Variants in DTD1 observed in about 807,000 individuals in gnomAD.
DTD1 encodes the protein D-aminoacyl-tRNA deacylase 1, also known as D-tyrosyl-tRNA deacylase 1 homolog.
A neutral mutation model predicts 25.6 loss-of-function variants in DTD1; 13 were observed. The observed-to-expected ratio is 0.51, with a 90% confidence interval of 0.33 to 0.81. The LOEUF (loss-of-function observed/expected upper bound fraction) is 0.81, where lower values mean the gene tolerates loss of function less well. Among genes scored for constraint, DTD1 ranks in the 30% least tolerant of loss-of-function variants. The pLI is 0.02. For missense variants in DTD1, 193 were observed against 266.4 expected, an observed-to-expected ratio of 0.72 and a Z score of 1.92; for synonymous variants, 110 against 103.6, an observed-to-expected ratio of 1.06 and a Z score of -0.37.
At chr20:18,589,092 T>A (rs1281141546) in intron 1 of DTD1, among the ~76,000 whole-genome samples, 1 of 152,190 alleles carries the variant, frequency 6.6e-6, no homozygotes, top group Non-Finnish European at 1.5e-5. Context: ...GGCTCACACC[T>A]GTAATCCCAG....
At chr20:18,748,219 CTT>C (rs2061308379) in intron 5 of DTD1, among the ~76,000 whole-genome samples, 1 of 151,852 alleles carries the variant, frequency 6.6e-6, no homozygotes. Context: ...TCACATGTGC[CTT>C]GGAGGTTTGT....
chr20:18,601,171 G>T (rs1015625224), intron 3 of DTD1, among the ~76,000 whole-genome samples: 1 of 152,090 alleles, frequency 6.6e-6, no homozygotes, highest in Non-Finnish European at 1.5e-5. Flanking sequence ...GACGTTTGCT[G>T]TAGGTTTTTT....
chr20:18,724,834 A>G lies in DTD1; in HGVS notation c.478-19266A>G, dbSNP rs186038934. Among the ~76,000 whole-genome samples the G allele has an allele frequency of 1.2e-3, 190 of 152,360 alleles. 1 individual carries two copies. The highest frequency in any genetic ancestry group is 4.2e-3 in the African/African-American group (173 of 41,586). On this transcript the variant is annotated intron_variant, in intron 4 of 5. Transcript: ENST00000377452. ...CATTTCTGTGTAAGATTTCCAAGAG[A>G]GGAAATCCACAAGCTGTCAGCAACC...
chr20:18,750,217 C>T (rs568984918), intron 5 of DTD1, among the ~76,000 whole-genome samples: 3 of 152,224 alleles, frequency 2.0e-5, no homozygotes, highest in South Asian at 2.1e-4. Flanking sequence ...TTTTTTGTTG[C>T]CCGTGGGTTT....
At chr20:18,611,977 C>T (rs6136433) in intron 3 of DTD1, among the ~76,000 whole-genome samples, 21,671 of 151,520 alleles carry the variant, frequency 0.14, 1,656 homozygotes, top group Admixed American at 0.2. Context: ...GCCTCAGCCT[C>T]CCGAGTAGCT....
intron 4 of DTD1, among the ~76,000 whole-genome samples, chr20:18,673,165 A>G (rs2060957035): frequency 6.6e-6 from 1 of 152,194 alleles, no homozygotes; most frequent in African/African-American, 2.4e-5. Context: ...GTAACTGTTA[A>G]TTGATAGCCT....
At chr20:18,732,280 A>G (rs2061241269) in intron 4 of DTD1, among the ~76,000 whole-genome samples, 1 of 152,240 alleles carries the variant, frequency 6.6e-6, no homozygotes, top group Non-Finnish European at 1.5e-5. Flanking sequence ...GTGTTCTGTT[A>G]CCAATTATGC....
intron 5 of DTD1, among the ~76,000 whole-genome samples, chr20:18,752,904 A>T (rs566167599): frequency 4.6e-5 from 7 of 152,194 alleles, no homozygotes; most frequent in Non-Finnish European, 7.3e-5. Context: ...AGCATGTTAT[A>T]TTACTTTACT....
intron 4 of DTD1, among the ~76,000 whole-genome samples, chr20:18,650,770 T>TA (rs1380353962): frequency 6.6e-6 from 1 of 152,172 alleles, no homozygotes; most frequent in African/African-American, 2.4e-5. Context: ...CATTACAAAC[T>TA]AAAGGCAGAT....
intron 4 of DTD1, among the ~76,000 whole-genome samples, chr20:18,650,561 C>T (rs2060870540): frequency 6.6e-6 from 1 of 152,222 alleles, no homozygotes; most frequent in Non-Finnish European, 1.5e-5. Flanking sequence ...TTCTGATTTC[C>T]TTTGTCAGAC....
chr20:18,761,344 C>A (rs889522683), intron 5 of DTD1, among the ~76,000 whole-genome samples: 2 of 151,942 alleles, frequency 1.3e-5, no homozygotes, highest in Non-Finnish European at 2.9e-5. Context: ...TGGAGCTGTT[C>A]CTATTTGGCC....
chr20:18,596,157 G>A lies in DTD1; in HGVS notation c.286G>A (p.Ala96Thr), dbSNP rs11545148. ...LKGNKPDFHL[A>T]MPTEQAEGFY... ...GGGAAACAAGCCTGATTTCCACCTA[G>A]CAATGCCCACGGAGCAGGCAGAGGG... The change falls in exon 3 of 6, where the codon GCA becomes ACA. Residue 96 changes from alanine (A) to threonine (T), a missense_variant. Transcript: ENST00000377452. 960 of 1,614,168 alleles carry A rather than the reference G, an allele frequency of 5.9e-4. 1 individual carries two copies. Among genetic ancestry groups the A allele is most frequent in the Non-Finnish European group, 7.6e-4 (896 of 1,180,030 alleles).
chr20:18,593,465 T>G (rs1460100199), intron 1 of DTD1, among the ~76,000 whole-genome samples: 1 of 152,186 alleles, frequency 6.6e-6, no homozygotes, highest in African/African-American at 2.4e-5. Flanking sequence ...CAAGGTAACA[T>G]AGATGAAATA....
chr20:18,597,908 T>C (rs574923209), intron 3 of DTD1, among the ~76,000 whole-genome samples: 1 of 152,340 alleles, frequency 6.6e-6, no homozygotes, highest in South Asian at 2.1e-4. Context: ...TTAAAATGTT[T>C]TTATTTTGCC....
At chr20:18,758,869 G>T (rs983234704) in intron 5 of DTD1, among the ~76,000 whole-genome samples, 12 of 152,108 alleles carry the variant, frequency 7.9e-5, no homozygotes, top group African/African-American at 2.4e-4. Context: ...TGACAGTGGG[G>T]TGTTAAAGTC....
intron 4 of DTD1, chr20:18,632,338 A>G: frequency 2.0e-6 from 2 of 985,438 alleles, no homozygotes; most frequent in Non-Finnish European, 2.4e-6. Context: ...CCTGGCCCCC[A>G]GAAGCCTCAG....
intron 4 of DTD1, among the ~76,000 whole-genome samples, chr20:18,669,247 G>A (rs560798115): frequency 2.0e-5 from 3 of 152,324 alleles, no homozygotes; most frequent in South Asian, 4.1e-4. Context: ...TGTGGAAGCC[G>A]TAGCTCTGGA....
At chr20:18,759,382 C>G (rs548604938) in intron 5 of DTD1, among the ~76,000 whole-genome samples, 10 of 152,170 alleles carry the variant, frequency 6.6e-5, no homozygotes, top group Non-Finnish European at 1.3e-4. Flanking sequence ...TACCTTTGTT[C>G]CTTTCCATGT....
chr20:18,619,409 C>T (rs191170562), intron 3 of DTD1, among the ~76,000 whole-genome samples: 2 of 152,034 alleles, frequency 1.3e-5, no homozygotes, highest in African/African-American at 4.8e-5. Flanking sequence ...CTATTTTTGC[C>T]TCTCCTCCTT....
Sources: allele counts gnomAD v4.1 joint callset (sites outside exome capture counted in the v4.1 genomes callset), GRCh38; gene constraint gnomAD v4.1.1; transcripts MANE v1.5; gene names NCBI Gene and HGNC (gene_info 2026-07-23, HGNC 2026-07-21).